Variants in INTS4 observed in about 807,000 individuals in gnomAD.
INTS4 encodes the protein integrator complex subunit 4.
INTS4 carries 70 observed loss-of-function variants against 119.5 expected under a neutral mutation model. The ratio of observed to expected loss-of-function variants is 0.59; its 90% CI spans 0.48 to 0.71. The LOEUF (loss-of-function observed/expected upper bound fraction) is 0.71, where lower values mean the gene tolerates loss of function less well. Ranked by LOEUF, INTS4 falls within the 30% of genes least tolerant of loss-of-function variation. INTS4 has a pLI of 0.00. For synonymous variants in INTS4, 316 were observed against 419.6 expected, an observed-to-expected ratio of 0.75 and a Z score of 3.02; for missense variants, 867 against 1,173.2, an observed-to-expected ratio of 0.74 and a Z score of 3.81.
At chr11:77,928,779 G>C (rs1953573879) in intron 10 of INTS4, among the ~76,000 whole-genome samples, 1 of 152,044 alleles carries the variant, frequency 6.6e-6, no homozygotes, top group Non-Finnish European at 1.5e-5. Context: ...AACCTGGGAG[G>C]CAGAAATTAC....
chr11:77,989,314 C>A (rs1421025197), intron 2 of INTS4, among the ~76,000 whole-genome samples: 1 of 151,874 alleles, frequency 6.6e-6, no homozygotes, highest in East Asian at 1.9e-4. Context: ...ATGGTGAAAC[C>A]CCATCTCTAC....
chr11:77,994,409 C>A (rs1227762233), intron 1 of INTS4, among the ~76,000 whole-genome samples, 181 bp downstream of exon 1: 1 of 152,208 alleles, frequency 6.6e-6, no homozygotes, highest in Non-Finnish European at 1.5e-5. Flanking sequence ...TCAGACTTCA[C>A]ATATTAATGA....
At chr11:77,940,066 C>CA (rs1223757498) in intron 9 of INTS4, among the ~76,000 whole-genome samples, 4 of 152,018 alleles carry the variant, frequency 2.6e-5, no homozygotes. Context: ...ATTATTTTCT[C>CA]AGACTCAAAT....
At chr11:77,877,703 C>G (rs369039209), downstream of INTS4, among the ~76,000 whole-genome samples, 5 of 152,058 alleles carry the variant, frequency 3.3e-5, no homozygotes, top group South Asian at 1.0e-3. Context: ...CAGGCAGTAC[C>G]AAAGGTTAAC....
At chr11:77,884,059 C>T in intron 21 of INTS4, 107 bp from the exon 22 acceptor site, 2 of 1,140,642 alleles carry the variant, frequency 1.8e-6, no homozygotes, top group Non-Finnish European at 1.2e-6. Flanking sequence ...AACATGACAC[C>T]AACTTTACTA....
At chr11:77,913,157 A>G (rs1018773331) in intron 15 of INTS4, among the ~76,000 whole-genome samples, 1 of 152,236 alleles carries the variant, frequency 6.6e-6, no homozygotes, top group African/African-American at 2.4e-5. Flanking sequence ...ACTGAGAAAT[A>G]GCAGACAAAT....
At chr11:77,916,685 T>C (rs1249337270) in intron 15 of INTS4, among the ~76,000 whole-genome samples, 1 of 152,230 alleles carries the variant, frequency 6.6e-6, no homozygotes, top group Non-Finnish European at 1.5e-5. Flanking sequence ...CTTCTGCACA[T>C]GGACTACGAA....
intron 15 of INTS4, 78 bp downstream of exon 15, chr11:77,918,743 A>C: frequency 7.1e-6 from 11 of 1,556,724 alleles, no homozygotes; most frequent in Non-Finnish European, 7.8e-6. Flanking sequence ...CAAGCCTAGT[A>C]ACCAACACCA....
intron 18 of INTS4, among the ~76,000 whole-genome samples, chr11:77,900,964 A>C (rs1428149163): frequency 3.9e-5 from 6 of 152,210 alleles, no homozygotes; most frequent in Admixed American, 3.9e-4. Flanking sequence ...AAGGTTCATA[A>C]CCAAACAACT....
intron 14 of INTS4, among the ~76,000 whole-genome samples, chr11:77,920,194 T>TATACAC (rs1555026365): frequency 1.4e-5 from 2 of 138,806 alleles, no homozygotes; most frequent in Non-Finnish European, 3.1e-5. Flanking sequence ...CACATATATA[T>TATACAC]ACATATATAT....
chr11:77,923,403 A>C (rs1322648113), intron 12 of INTS4, among the ~76,000 whole-genome samples: 2 of 151,984 alleles, frequency 1.3e-5, no homozygotes, highest in Non-Finnish European at 2.9e-5. Context: ...TCCTGAAACC[A>C]ACCTTCTGAC....
chr11:77,939,170 G>A (rs376091207), intron 9 of INTS4, among the ~76,000 whole-genome samples: 5 of 152,154 alleles, frequency 3.3e-5, no homozygotes, highest in South Asian at 2.1e-4. Flanking sequence ...TAGACAATAC[G>A]TTGACTCTAA....
intron 1 of INTS4, among the ~76,000 whole-genome samples, chr11:77,993,677 G>T (rs1317555672): frequency 1.6e-4 from 25 of 152,088 alleles, no homozygotes; most frequent in Non-Finnish European, 1.5e-5. Flanking sequence ...CTGGATGAAT[G>T]AATCCATGTA....
chr11:77,920,242 T>TATACATAC (rs1953319174), intron 14 of INTS4, among the ~76,000 whole-genome samples: 42 of 80,002 alleles, frequency 5.2e-4, no homozygotes, highest in African/African-American at 1.7e-3. Flanking sequence ...CATATATACA[T>TATACATAC]ATATATACAT....
chr11:77,886,928 C>T (rs1952040220), intron 21 of INTS4, among the ~76,000 whole-genome samples: 1 of 151,804 alleles, frequency 6.6e-6, no homozygotes, highest in Non-Finnish European at 1.5e-5. Context: ...ATACCAGAAT[C>T]TCTGGGACAC....
At chr11:77,890,078 C>T (rs1420923312) in intron 21 of INTS4, among the ~76,000 whole-genome samples, 1 of 152,170 alleles carries the variant, frequency 6.6e-6, no homozygotes. Flanking sequence ...GACACCTATT[C>T]ATCTGTTCTT....
At chr11:77,884,650 CTG>C in intron 21 of INTS4, 1 of 218,754 alleles carries the variant, frequency 4.6e-6, no homozygotes, top group Non-Finnish European at 1.0e-5. Context: ...AATGTTGAAA[CTG>C]TGGTCAATGT....
intron 21 of INTS4, chr11:77,884,920 A>C: frequency 4.4e-6 from 1 of 229,790 alleles, no homozygotes; most frequent in Non-Finnish European, 9.4e-6. Flanking sequence ...ACGCCAGGTA[A>C]TTTTCTTTTT....
At chr11:77,948,703 A>AT (rs1954112638) in intron 8 of INTS4, among the ~76,000 whole-genome samples, 1 of 145,398 alleles carries the variant, frequency 6.9e-6, no homozygotes, top group Non-Finnish European at 1.5e-5. Flanking sequence ...GAAGGAAAAA[A>AT]TCTTGAATAT....
Sources: allele counts gnomAD v4.1 joint callset (sites outside exome capture counted in the v4.1 genomes callset), GRCh38; gene constraint gnomAD v4.1.1; transcripts MANE v1.5; gene names NCBI Gene and HGNC (gene_info 2026-07-23, HGNC 2026-07-21).